IGF1R: variants seen among roughly 807,000 people sequenced by gnomAD.
The protein encoded by IGF1R is insulin like growth factor 1 receptor, also known as insulin-like growth factor 1 receptor.
Under a neutral mutation model 144.6 loss-of-function variants are expected in IGF1R, and 44 were observed. That is an observed-to-expected ratio of 0.30 (90% confidence interval 0.24 to 0.39). The LOEUF (loss-of-function observed/expected upper bound fraction) is 0.39. Among genes scored for constraint, IGF1R ranks in the 10% least tolerant of loss-of-function variants. The pLI is 1.00. For missense variants in IGF1R, 1,355 were observed against 1,833.7 expected (o/e 0.74, Z 4.77); for synonymous variants, 795 against 722.8 (o/e 1.10, Z -1.60).
intron 1 of IGF1R, among the ~76,000 whole-genome samples, chr15:98,671,966 G>C (rs942153879): frequency 1.3e-5 from 2 of 152,168 alleles, no homozygotes; most frequent in Non-Finnish European, 2.9e-5. Context: ...AGCTTACTCA[G>C]CACAGAAATG....
intron 2 of IGF1R, among the ~76,000 whole-genome samples, chr15:98,862,659 A>G (rs905827828): frequency 2.0e-5 from 3 of 152,232 alleles, no homozygotes; most frequent in African/African-American, 7.2e-5. Context: ...AGTTAAGTGT[A>G]TCATTGGAGG....
intron 2 of IGF1R, among the ~76,000 whole-genome samples, chr15:98,831,476 G>A (rs549643040): frequency 9.8e-5 from 15 of 152,286 alleles, no homozygotes; most frequent in Admixed American, 8.5e-4. Context: ...TCCACATTCC[G>A]ATCTTGATGA....
rs556026519 is a variant in IGF1R, at chr15:98,836,303, C to A, written c.641-55022C>A. ...ATCCCAGTGCTCTGGGAAACCAAGA[C>A]AAATCTCTTAAAGCCAGGAGTTTGA... On this transcript the variant is annotated intron_variant, in intron 2 of 20. Coordinates refer to ENST00000650285, the MANE Select transcript of IGF1R (RefSeq NM_000875.5). Among the ~76,000 whole-genome samples the A allele has an allele frequency of 4.0e-5, 6 of 151,762 alleles. No homozygotes were observed. The South Asian group carries it at 1.2e-3, about 32-fold the overall frequency.
intron 2 of IGF1R, among the ~76,000 whole-genome samples, chr15:98,857,520 A>G (rs1330413874): frequency 6.6e-6 from 1 of 152,200 alleles, no homozygotes; most frequent in African/African-American, 2.4e-5. Context: ...CGCCCAGCCT[A>G]CGTCTTTAAA....
rs150936683 is a variant in IGF1R at position 98,816,572 on chromosome 15, A to G, written c.641-74753A>G. On this transcript the variant is annotated intron_variant, in intron 2 of 20. Transcript: ENST00000650285. ...TCTTGAGAAGTTGCCTGTAAATTCA[A>G]TTGAAGTGACCAGATCTCATCCTTA... is the stretch of plus-strand genomic sequence containing the variant. 5.8e-3 allele frequency among the ~76,000 whole-genome samples: 881 copies of G among 152,328 alleles called. 10 individuals carry two copies. The highest frequency in any genetic ancestry group is 0.02 in the African/African-American group (842 of 41,570).
intron 2 of IGF1R, among the ~76,000 whole-genome samples, chr15:98,725,885 C>G (rs188917621): frequency 6.6e-6 from 1 of 152,200 alleles, no homozygotes; most frequent in Non-Finnish European, 1.5e-5. Context: ...CATCAGATCT[C>G]GTCAGACTTA....
rs980975363 is a variant in IGF1R, at chr15:98,942,600, A to G, written c.3458-323A>G. 1.4e-4 allele frequency among the ~76,000 whole-genome samples: 22 copies of G among 152,152 alleles called. 1 individual carries two copies. The highest frequency in any genetic ancestry group is 5.3e-4 in the African/African-American group (22 of 41,422). On this transcript the variant is annotated intron_variant, in intron 18 of 20. Transcript: ENST00000650285. The stretch of plus-strand genomic sequence containing the variant: ...GCGATCTTCCTGTCGTGGCCTCCCA[A>G]AGTGCTGGGATTACAGGCGTTGAGT...
chr15:98,831,925 A>AGGT (rs1373505015), intron 2 of IGF1R, among the ~76,000 whole-genome samples: 2 of 152,042 alleles, frequency 1.3e-5, no homozygotes, highest in African/African-American at 4.8e-5. Flanking sequence ...TCTGGTTTCT[A>AGGT]GGTGGGTAAG....
rs568314411 is a variant in IGF1R, at chr15:98,899,305, T to C, written c.1103-172T>C. Among the ~76,000 whole-genome samples, 40 of 152,312 alleles carry C rather than the reference T, an allele frequency of 2.6e-4. No homozygotes were observed. The East Asian group carries it at 7.5e-3, about 29-fold the overall frequency. ...GGAGGCCTCGTTCCAGGAGTCGTTG[T>C]TGAGAGTCAAGCCAGGGAAGTGTGT... is the stretch of plus-strand genomic sequence containing the variant. On this transcript the variant is annotated intron_variant, in intron 4 of 20. Transcript: ENST00000650285.
chr15:98,754,714 C>T (rs762400255), intron 2 of IGF1R, among the ~76,000 whole-genome samples: 5 of 152,172 alleles, frequency 3.3e-5, no homozygotes, highest in Admixed American at 6.6e-5. Flanking sequence ...AATAAAAGAA[C>T]GCTAGTAATG....
chr15:98,827,398 A>G (rs1173448697), intron 2 of IGF1R, among the ~76,000 whole-genome samples: 3 of 152,166 alleles, frequency 2.0e-5, no homozygotes, highest in African/African-American at 7.2e-5. Context: ...TAATGTTTAT[A>G]TTCTTAATGA....
At chr15:98,917,260 C>T (rs758171685) in intron 10 of IGF1R, among the ~76,000 whole-genome samples, 1 of 152,194 alleles carries the variant, frequency 6.6e-6, no homozygotes, top group Non-Finnish European at 1.5e-5. Context: ...TCCTAATTAT[C>T]TTTACTGCCT....
At chr15:98,823,430 T>C (rs1021045561) in intron 2 of IGF1R, among the ~76,000 whole-genome samples, 7 of 152,230 alleles carry the variant, frequency 4.6e-5, no homozygotes, top group Admixed American at 1.3e-4. Context: ...AGCAGACTGC[T>C]AGAGGACAGA....
At chr15:98,812,715 C>G (rs919784445) in intron 2 of IGF1R, among the ~76,000 whole-genome samples, 17 of 152,264 alleles carry the variant, frequency 1.1e-4, no homozygotes, top group East Asian at 3.9e-4. Context: ...CAAACGTGAC[C>G]TTTTTATGTT....
intron 2 of IGF1R, among the ~76,000 whole-genome samples, chr15:98,728,718 A>G (rs2054425474): frequency 6.6e-6 from 1 of 151,944 alleles, no homozygotes; most frequent in South Asian, 2.1e-4. Context: ...TGCATTCTGC[A>G]CTCTCCCGAG....
At chr15:98,705,091 A>G (rs2053830033) in intron 1 of IGF1R, among the ~76,000 whole-genome samples, 1 of 152,186 alleles carries the variant, frequency 6.6e-6, no homozygotes, top group Non-Finnish European at 1.5e-5. Flanking sequence ...AGTGACATGA[A>G]TTTGATCATA....
In IGF1R at chr15:98,961,381, G is replaced by C. The variant is rs560179066; in HGVS notation, c.*3939G>C. The C allele has an allele frequency of 3.4e-5, 8 of 233,476 alleles. No individual in the cohort carries two copies. In the East Asian group the frequency reaches 4.8e-4, roughly 14 times the overall value. The allele number at this position is 233,476 out of a possible 1,614,324, so 14.5% of individuals were successfully genotyped here. A position where few individuals can be genotyped will look rare whatever the true frequency, so the allele number is the denominator to read the frequency against. ...CACTAACAGTGTAGTGCCCATCATA[G>C]CAAATGCTTCAGAAACACCTCAATA... On this transcript the variant is annotated 3_prime_UTR_variant, in exon 21 of 21. Transcript: ENST00000650285.
rs1192065060 is a variant in IGF1R at position 98,800,223 on chromosome 15, GGT to G, written c.641-91098_641-91097del. 2.9e-3 allele frequency among the ~76,000 whole-genome samples: 371 copies of G among 128,142 alleles called. 1 individual carries two copies. The highest frequency in any genetic ancestry group is 8.2e-3 in the African/African-American group (334 of 40,660). 84.1% of individuals were successfully genotyped at this position (128,142 alleles called of 152,430 possible). ...GGCTGGGAGGGCAGCTGTGGAAAAG[GGT>G]GTGGGCGAGGGAGACAGTGCTTCAT... is the stretch of plus-strand genomic sequence containing the variant. On this transcript the variant is annotated intron_variant, in intron 2 of 20. Coordinates refer to ENST00000650285, the MANE Select transcript of IGF1R (RefSeq NM_000875.5).
At chr15:98,669,277 C>T (rs1033595734) in intron 1 of IGF1R, among the ~76,000 whole-genome samples, 3 of 152,200 alleles carry the variant, frequency 2.0e-5, no homozygotes, top group African/African-American at 7.2e-5. Context: ...ACCTTGAAAC[C>T]TCTGCTGCCT....
Sources: allele counts gnomAD v4.1 joint callset (sites outside exome capture counted in the v4.1 genomes callset), GRCh38; gene constraint gnomAD v4.1.1; transcripts MANE v1.5; gene names NCBI Gene and HGNC (gene_info 2026-07-23, HGNC 2026-07-21).